EPHA6: variants seen among roughly 807,000 people sequenced by gnomAD.
The protein encoded by EPHA6 is EPH receptor A6.
EPHA6 carries 50 observed loss-of-function variants against 112.0 expected under a neutral mutation model. The observed-to-expected ratio is 0.45, with a 90% CI of 0.36 to 0.56. The LOEUF is 0.56. Among genes scored for constraint, EPHA6 ranks in the 20% least tolerant of loss-of-function variants. EPHA6 has a pLI of 0.00. For missense variants in EPHA6, 1,280 were observed against 1,417.4 expected, an observed-to-expected ratio of 0.90 and a Z score of 1.56; for synonymous variants, 529 against 490.7, an observed-to-expected ratio of 1.08 and a Z score of -1.03.
chr3:96,921,856 C>T (rs1238266683), intron 2 of EPHA6, among the ~76,000 whole-genome samples: 1 of 152,164 alleles, frequency 6.6e-6, no homozygotes, highest in Non-Finnish European at 1.5e-5. Flanking sequence ...GCATGAGCCA[C>T]TGCGCCCAGC....
chr3:97,116,131 T>A (rs916742302), intron 3 of EPHA6, among the ~76,000 whole-genome samples: 1 of 151,818 alleles, frequency 6.6e-6, no homozygotes, highest in Non-Finnish European at 1.5e-5. Context: ...ATTGTTTGCA[T>A]GTGTCTTCTT....
At chr3:96,882,073 T>C (rs886150150) in intron 2 of EPHA6, among the ~76,000 whole-genome samples, 1 of 152,196 alleles carries the variant, frequency 6.6e-6, no homozygotes, top group Non-Finnish European at 1.5e-5. Flanking sequence ...GTCTTTCTAC[T>C]GTGGATCTGC....
At position 97,405,344 on chromosome 3, in the gene EPHA6, G is replaced by A. The variant is rs957830835; in HGVS notation, c.1731+70G>A. On this transcript the variant is annotated intron_variant, in intron 6 of 17. Transcript: ENST00000389672. Reference sequence around the variant, plus strand: ...TATATATGTATATATTGAGCATGTCGTTATACTATATTATTTTATTTTAAA... The same window carrying A: ...TATATATGTATATATTGAGCATGTCATTATACTATATTATTTTATTTTAAA... The A allele has an allele frequency of 1.1e-5, 15 of 1,317,808 alleles. No homozygotes were observed. In the Admixed American group the frequency reaches 1.2e-4, roughly 10 times the overall value. 81.6% of individuals were successfully genotyped at this position (1,317,808 alleles called of 1,614,324 possible).
Position 96,814,723 on chromosome 3 carries a change from T to C in EPHA6, c.100T>C (p.Ser34Pro), listed in dbSNP as rs1576030439. ...ACCTGCAACTGGGCAGCCTGGACCCTCGTGCCCTGTTCCCGGGACCTCGCG... is the reference window on the plus strand; with the variant it reads ...ACCTGCAACTGGGCAGCCTGGACCCCCGTGCCCTGTTCCCGGGACCTCGCG... ...AAPATGQPGP[S>P]CPVPGTSRRG... Residue 34 changes from serine to proline, a missense_variant, in exon 1 of 18, where the codon TCG becomes CCG. Physicochemically the swap from Ser to Pro is moderately conservative, Grantham distance 74 (BLOSUM62 -1). Coordinates refer to ENST00000389672, the MANE Select transcript of EPHA6 (RefSeq NM_001080448.3). 2 of 1,571,420 alleles carry C rather than the reference T, an allele frequency of 1.3e-6. No individual in the cohort carries two copies. Among genetic ancestry groups the C allele is most frequent in the Admixed American group, 3.6e-5 (2 of 55,160 alleles).
At chr3:97,416,146 A>G (rs1238513345) in intron 6 of EPHA6, among the ~76,000 whole-genome samples, 3 of 152,162 alleles carry the variant, frequency 2.0e-5, no homozygotes, top group South Asian at 2.1e-4. Flanking sequence ...ATAGAAAAAA[A>G]GTAGAAAGAA....
chr3:97,481,452 T>C (rs1388178004), intron 9 of EPHA6: 1 of 1,334,794 alleles, frequency 7.5e-7, no homozygotes. Context: ...TCCTTTGCAG[T>C]TAAAAATATT....
rs144428670 is a variant in EPHA6, at chr3:96,892,954, ATGTGTGTGTGTGTG to A, written c.450+26079_450+26092del. Among the ~76,000 whole-genome samples, 14 of 132,326 alleles carry A rather than the reference ATGTGTGTGTGTGTG, an allele frequency of 1.1e-4. No individual in the cohort carries two copies. In the Admixed American group the frequency reaches 1.3e-3, roughly 12 times the overall value. 86.8% of individuals were successfully genotyped at this position (132,326 alleles called of 152,430 possible). A position where few individuals can be genotyped will look rare whatever the true frequency, so the allele number is the denominator to read the frequency against. On this transcript the variant is annotated intron_variant, in intron 2 of 17. Coordinates refer to ENST00000389672, the MANE Select transcript of EPHA6 (RefSeq NM_001080448.3). Reference sequence around the variant, plus strand: ...CTGATTCCAACTTATATATATATATATGTGTGTGTGTGTGTGTGTGTGTGTGTTCGTGTGTGTGT... The same window carrying A: ...CTGATTCCAACTTATATATATATATATGTGTGTGTGTGTTCGTGTGTGTGT...
At chr3:97,034,212 A>ATT (rs1384019422) in intron 3 of EPHA6, among the ~76,000 whole-genome samples, 1 of 151,962 alleles carries the variant, frequency 6.6e-6, no homozygotes, top group African/African-American at 2.4e-5. Flanking sequence ...AAAAATGAAA[A>ATT]TATAGTAATT....
intron 7 of EPHA6, among the ~76,000 whole-genome samples, chr3:97,452,773 AC>A (rs1170883352): frequency 2.6e-5 from 4 of 151,120 alleles, no homozygotes; most frequent in African/African-American, 9.7e-5. Flanking sequence ...ACATATCCAC[AC>A]ACACACACAC....
chr3:97,196,562 G>T (rs1163131704), intron 3 of EPHA6, among the ~76,000 whole-genome samples: 1 of 151,982 alleles, frequency 6.6e-6, no homozygotes, highest in Non-Finnish European at 1.5e-5. Context: ...GCATTGAAGA[G>T]TTGGATATTT....
chr3:97,589,163 C>CTT (rs1184809574), intron 11 of EPHA6, among the ~76,000 whole-genome samples: 177 of 143,682 alleles, frequency 1.2e-3, no homozygotes, highest in African/African-American at 4.3e-3. Context: ...CTTTTCTTCT[C>CTT]TTTTTTTTTT....
At position 97,146,046 on chromosome 3, in the gene EPHA6, C is replaced by A. The variant is rs142733921; in HGVS notation, c.1115-80218C>A. On this transcript the variant is annotated intron_variant, in intron 3 of 17. Coordinates refer to ENST00000389672, the MANE Select transcript of EPHA6 (RefSeq NM_001080448.3). ...ATTTTTATTTGAAACTAAATGACTACCATATTATTTGATTGCTCCTTTTAA... is the reference window on the plus strand; with the variant it reads ...ATTTTTATTTGAAACTAAATGACTAACATATTATTTGATTGCTCCTTTTAA... Among the ~76,000 whole-genome samples, 69 of 151,638 alleles carry A rather than the reference C, an allele frequency of 4.6e-4. 2 individuals are homozygous for A. Among genetic ancestry groups the A allele is most frequent in the African/African-American group, 1.6e-3 (66 of 41,432 alleles).
intron 1 of EPHA6, among the ~76,000 whole-genome samples, chr3:96,821,805 A>T (rs1204248990): frequency 6.6e-6 from 1 of 151,894 alleles, no homozygotes; most frequent in African/African-American, 2.4e-5. Flanking sequence ...AAGTTAAGAT[A>T]ATAAGTCACT....
chr3:97,645,336 T>TA (rs1255334668), intron 14 of EPHA6, among the ~76,000 whole-genome samples: 22 of 145,426 alleles, frequency 1.5e-4, no homozygotes, highest in East Asian at 1.2e-3. Flanking sequence ...TATGCAGCCA[T>TA]AAAAAATGAT....
At chr3:97,639,572 C>T (rs2093982930) in intron 14 of EPHA6, among the ~76,000 whole-genome samples, 1 of 152,026 alleles carries the variant, frequency 6.6e-6, no homozygotes. Context: ...CTCTTTGTGG[C>T]AGTAAGCCTA....
In EPHA6 at chr3:97,753,259, CATT is replaced by C. The variant is rs2035943682; in HGVS notation, c.*4563_*4565del. On this transcript the variant is annotated 3_prime_UTR_variant, in exon 18 of 18. Coordinates refer to ENST00000389672, the MANE Select transcript of EPHA6 (RefSeq NM_001080448.3). ...GCTGTCATTGCTTTCAAGTAACTCTCATTATTAAAATTTAGAGCTTTATTTGCT... is the reference window on the plus strand; with the variant it reads ...GCTGTCATTGCTTTCAAGTAACTCTCATTAAAATTTAGAGCTTTATTTGCT... Among the ~76,000 whole-genome samples the C allele has an allele frequency of 6.6e-6, 1 of 152,100 alleles. No homozygotes were observed. The highest frequency in any genetic ancestry group is 2.1e-4 in the South Asian group (1 of 4,822).
At chr3:97,214,941 A>G (rs2077991037) in intron 3 of EPHA6, among the ~76,000 whole-genome samples, 3 of 152,202 alleles carry the variant, frequency 2.0e-5, no homozygotes, top group Admixed American at 1.3e-4. Flanking sequence ...CATAAATGAT[A>G]CTGTTTTTGC....
At chr3:97,563,409 A>G (rs1173832916) in intron 11 of EPHA6, among the ~76,000 whole-genome samples, 1 of 152,186 alleles carries the variant, frequency 6.6e-6, no homozygotes, top group African/African-American at 2.4e-5. Flanking sequence ...CTGTGGCTGA[A>G]ACAGCCAATA....
At position 97,251,984 on chromosome 3, in the gene EPHA6, ATCTTTATATTGT is replaced by A. The variant is rs542237588; in HGVS notation, c.1606+7700_1606+7711del. 4.6e-4 allele frequency among the ~76,000 whole-genome samples: 70 copies of A among 152,336 alleles called. No individual in the cohort carries two copies. In the East Asian group the frequency reaches 9.6e-3, roughly 21 times the overall value. ...TTATTTGCATTAAAATTTAACATTC[ATCTTTATATTGT>A]TCAGTGACCATTTTAAATGCAAATA... On this transcript the variant is annotated intron_variant, in intron 5 of 17. Coordinates refer to ENST00000389672, the MANE Select transcript of EPHA6 (RefSeq NM_001080448.3).
Sources: allele counts gnomAD v4.1 joint callset (sites outside exome capture counted in the v4.1 genomes callset), GRCh38; gene constraint gnomAD v4.1.1; transcripts MANE v1.5; gene names NCBI Gene and HGNC (gene_info 2026-07-23, HGNC 2026-07-21).